Variants in CEMIP observed in about 807,000 individuals in gnomAD.
CEMIP encodes the protein cell migration-inducing and hyaluronan-binding protein.
CEMIP carries 105 observed loss-of-function variants against 156.9 expected under a neutral mutation model. That is an observed-to-expected ratio of 0.67 (90% CI 0.57 to 0.79). The LOEUF is 0.79. Ranked by LOEUF, CEMIP falls within the 30% of genes least tolerant of loss-of-function variation. The pLI is 0.00. For missense variants in CEMIP, 1,457 were observed against 1,769.4 expected, an observed-to-expected ratio of 0.82 and a Z score of 3.17; for synonymous variants, 676 against 668.4, an observed-to-expected ratio of 1.01 and a Z score of -0.17.
At chr15:80,843,680 C>T (rs1245799931) in intron 1 of CEMIP, among the ~76,000 whole-genome samples, 2 of 152,238 alleles carry the variant, frequency 1.3e-5, no homozygotes, top group Non-Finnish European at 2.9e-5. Context: ...TTTGTGGCGT[C>T]AGTCTCAGAC....
intron 1 of CEMIP, among the ~76,000 whole-genome samples, chr15:80,869,844 A>G (rs938796632): frequency 6.6e-6 from 1 of 152,202 alleles, no homozygotes; most frequent in Non-Finnish European, 1.5e-5. Context: ...TCACAATGAG[A>G]AGGCACAGAG....
intron 23 of CEMIP, among the ~76,000 whole-genome samples, chr15:80,934,133 G>C (rs1014552120): frequency 2.6e-5 from 4 of 151,950 alleles, no homozygotes; most frequent in Non-Finnish European, 5.9e-5. Flanking sequence ...TGTTTAATGT[G>C]AATTTTTAAT....
intron 1 of CEMIP, among the ~76,000 whole-genome samples, chr15:80,828,719 G>A (rs1897092973): frequency 6.6e-6 from 1 of 152,198 alleles, no homozygotes; most frequent in Admixed American, 6.5e-5. Context: ...AAAATAGCAG[G>A]CACTTTGAGA....
In CEMIP at chr15:80,887,120, G is replaced by T. The variant is rs1898870976; in HGVS notation, c.798-574G>T. Among the ~76,000 whole-genome samples, 4 of 152,266 alleles carry T rather than the reference G, an allele frequency of 2.6e-5. No individual in the cohort carries two copies. The South Asian group carries it at 8.3e-4, about 32-fold the overall frequency. ...GCCCTAAAGCAGCACGTGCTTTCAT[G>T]GAGGAATGATGGATGTACAATTTTT... On this transcript the variant is annotated intron_variant, in intron 7 of 29. Coordinates refer to ENST00000394685, the MANE Select transcript of CEMIP (RefSeq NM_001293298.2).
chr15:80,945,762 C>T (rs1013703832), intron 28 of CEMIP, among the ~76,000 whole-genome samples: 34 of 152,190 alleles, frequency 2.2e-4, no homozygotes, highest in Middle Eastern at 3.2e-3. Context: ...AACTGGACGC[C>T]CCATTGAGCT....
At chr15:80,792,754 G>C (rs1010263229) in intron 1 of CEMIP, among the ~76,000 whole-genome samples, 1 of 152,132 alleles carries the variant, frequency 6.6e-6, no homozygotes, top group African/African-American at 2.4e-5. Flanking sequence ...GAATCTGAAT[G>C]GCCAAGGCAT....
chr15:80,924,180 G>A (rs1000418944), intron 17 of CEMIP, among the ~76,000 whole-genome samples: 1 of 152,206 alleles, frequency 6.6e-6, no homozygotes, highest in Non-Finnish European at 1.5e-5. Context: ...AAATGAAACT[G>A]TGGGAAGGTC....
At chr15:80,904,896 C>G (rs1163811471) in intron 12 of CEMIP, among the ~76,000 whole-genome samples, 3 of 152,132 alleles carry the variant, frequency 2.0e-5, no homozygotes, top group African/African-American at 7.2e-5. Flanking sequence ...GGATAGGAAA[C>G]TAATACCAAC....
chr15:80,931,847 T>G lies in CEMIP; in HGVS notation c.2613-12T>G. ...ACATTTAGACTGACATCTTACTTCC[T>G]TAACTCCGTAGGAATTTTCCAATTA... On this transcript the variant is annotated splice_polypyrimidine_tract_variant and intron_variant, in intron 21 of 29. Coordinates refer to ENST00000394685, the MANE Select transcript of CEMIP (RefSeq NM_001293298.2). 2 of 1,613,094 alleles carry G rather than the reference T, an allele frequency of 1.2e-6. No homozygotes were observed. The highest frequency in any genetic ancestry group is 1.7e-6 in the Non-Finnish European group (2 of 1,179,098).
At chr15:80,795,663 G>C (rs1896205176) in intron 1 of CEMIP, among the ~76,000 whole-genome samples, 1 of 152,228 alleles carries the variant, frequency 6.6e-6, no homozygotes, top group Non-Finnish European at 1.5e-5. Context: ...GCCAGGTGCA[G>C]TGGCTCAGAC....
chr15:80,920,538 T>A (rs1183265181), intron 15 of CEMIP, among the ~76,000 whole-genome samples: 1 of 152,206 alleles, frequency 6.6e-6, no homozygotes, highest in African/African-American at 2.4e-5. Flanking sequence ...CCAAAGAGGA[T>A]CCCTGTTCTC....
chr15:80,837,804 G>T (rs889986189), intron 1 of CEMIP, among the ~76,000 whole-genome samples: 7 of 152,230 alleles, frequency 4.6e-5, no homozygotes, highest in African/African-American at 1.7e-4. Flanking sequence ...TGAGCTCATG[G>T]TATAGACATG....
chr15:80,912,510 G>A (rs1900109192), intron 14 of CEMIP, among the ~76,000 whole-genome samples: 1 of 152,206 alleles, frequency 6.6e-6, no homozygotes. Flanking sequence ...AAGCTGGTGG[G>A]TTAGGATTTG....
chr15:80,820,449 G>C (rs150413343), intron 1 of CEMIP, among the ~76,000 whole-genome samples: 1 of 152,262 alleles, frequency 6.6e-6, no homozygotes, highest in East Asian at 1.9e-4. Flanking sequence ...CCTGGTTTTT[G>C]ATGGGTCAAG....
intron 12 of CEMIP, chr15:80,897,204 G>C (rs758957877): frequency 2.2e-6 from 1 of 453,338 alleles, no homozygotes; most frequent in South Asian, 1.6e-5. Context: ...ATTAGAATAT[G>C]GGGTTGGGAG....
intron 23 of CEMIP, among the ~76,000 whole-genome samples, chr15:80,934,926 T>C (rs1021023035): frequency 6.6e-6 from 1 of 152,192 alleles, no homozygotes; most frequent in Non-Finnish European, 1.5e-5. Context: ...CAGAGAGCGA[T>C]AAAGATTTGG....
chr15:80,924,098 T>C (rs1244370737), intron 17 of CEMIP, among the ~76,000 whole-genome samples: 1 of 152,190 alleles, frequency 6.6e-6, no homozygotes, highest in Non-Finnish European at 1.5e-5. Context: ...CCCTATCCCA[T>C]GGCTGACAAA....
In CEMIP at chr15:80,937,800, C is replaced by T. The variant is rs375293452; in HGVS notation, c.3228C>T (p.Asp1076=). 3.7e-6 allele frequency: 6 copies of T among 1,614,076 alleles called. No homozygotes were observed. Among genetic ancestry groups the T allele is most frequent in the African/African-American group, 2.7e-5 (2 of 74,940 alleles). The part of the protein sequence containing the change: ...AIWLINFNKG[D]WIRVGLCYPR... The stretch of plus-strand genomic sequence containing the variant: ...ACTCTACTTCCAATCCTAGGGGCGA[C>T]TGGATCCGAGTGGGGCTCTGCTACC... Residue 1076 remains aspartate (D), a synonymous_variant, in exon 25 of 30, where the codon GAC becomes GAT. Coordinates refer to ENST00000394685, the MANE Select transcript of CEMIP (RefSeq NM_001293298.2).
At chr15:80,899,994 G>A (rs1383442175) in intron 12 of CEMIP, among the ~76,000 whole-genome samples, 16 of 152,124 alleles carry the variant, frequency 1.1e-4, no homozygotes, top group Admixed American at 9.8e-4. Flanking sequence ...ATTTAGGAGG[G>A]TGAAAGCCTG....
Sources: gnomAD v4.1 joint callset for allele counts (sites outside exome capture counted in the v4.1 genomes callset) on GRCh38, gnomAD v4.1.1 for gene constraint, MANE v1.5 for transcripts, NCBI Gene and HGNC (gene_info 2026-07-23, HGNC 2026-07-21) for gene names.